Variants in ZNF346 observed in about 807,000 individuals in gnomAD.
The protein encoded by ZNF346 is zinc finger protein 346, also known as double-stranded RNA-binding zinc finger protein JAZ.
ZNF346 carries 23 observed loss-of-function variants against 33.7 expected under a neutral mutation model. The observed-to-expected ratio is 0.68, with a 90% confidence interval of 0.49 to 0.97. The LOEUF (loss-of-function observed/expected upper bound fraction) is 0.97, where lower values mean the gene tolerates loss of function less well. Ranked by LOEUF, ZNF346 falls within the 50% of genes least tolerant of loss-of-function variation. ZNF346 has a pLI of 0.00. For synonymous variants in ZNF346, 134 were observed against 142.4 expected (o/e 0.94, Z 0.42); for missense variants, 340 against 371.1 (o/e 0.92, Z 0.69).
At chr5:177,023,999 A>G (rs577747078) in intron 1 of ZNF346, among the ~76,000 whole-genome samples, 2 of 148,960 alleles carry the variant, frequency 1.3e-5, no homozygotes, top group Non-Finnish European at 3.0e-5. Context: ...ATATATATAT[A>G]ATGTATATTA....
chr5:177,048,626 A>G (rs973658558), intron 4 of ZNF346, among the ~76,000 whole-genome samples: 7 of 152,170 alleles, frequency 4.6e-5, no homozygotes, highest in Non-Finnish European at 1.0e-4. Flanking sequence ...CATCTCAAAA[A>G]GAAAAAAAAG....
exon 9 of ZNF346, chr5:177,080,564 C>T (rs244714): frequency 0.088 from 13,469 of 152,272 alleles, 673 homozygotes; most frequent in Non-Finnish European, 0.12. Context: ...ATAATCCCAG[C>T]CCTTTGGGAG....
At chr5:177,035,041 G>T (rs1333090437) in intron 1 of ZNF346, among the ~76,000 whole-genome samples, 4 of 150,678 alleles carry the variant, frequency 2.7e-5, no homozygotes, top group Non-Finnish European at 5.9e-5. Context: ...TTTTGAGATG[G>T]AGTCTTACTC....
At chr5:177,079,204 G>A (rs1783887407) in intron 8 of ZNF346, among the ~76,000 whole-genome samples, 2 of 150,698 alleles carry the variant, frequency 1.3e-5, no homozygotes, top group Non-Finnish European at 3.0e-5. Context: ...CCTGGGAGGT[G>A]GAGGTTGCAG....
At chr5:177,022,949 C>T (rs978369277) in intron 1 of ZNF346, 36 bp downstream of exon 1, 2 of 1,447,320 alleles carry the variant, frequency 1.4e-6, no homozygotes, top group Non-Finnish European at 1.8e-6. Flanking sequence ...AAGCCCCTCG[C>T]CCGCTGCGCG....
intron 4 of ZNF346, among the ~76,000 whole-genome samples, chr5:177,044,790 C>T (rs1779814652): frequency 6.6e-6 from 1 of 152,200 alleles, no homozygotes; most frequent in South Asian, 2.1e-4. Context: ...AATTATAACT[C>T]AGGAGTGCCA....
intron 1 of ZNF346, among the ~76,000 whole-genome samples, chr5:177,031,279 C>T (rs1443930172): frequency 2.0e-5 from 3 of 152,250 alleles, no homozygotes; most frequent in South Asian, 2.1e-4. Flanking sequence ...GGTGATCTGC[C>T]GCCTTGGCCT....
chr5:177,079,078 C>G (rs1238987158), intron 8 of ZNF346, among the ~76,000 whole-genome samples: 1 of 152,024 alleles, frequency 6.6e-6, no homozygotes, highest in African/African-American at 2.4e-5. Flanking sequence ...TGAGACCAGC[C>G]TGGCCAACAT....
intron 8 of ZNF346, among the ~76,000 whole-genome samples, chr5:177,076,561 C>T (rs575742671): frequency 5.3e-5 from 8 of 152,266 alleles, no homozygotes; most frequent in Admixed American, 3.9e-4. Flanking sequence ...CCCTTTACCC[C>T]AACGTTTCCT....
At chr5:177,061,073 C>T (rs930711665) in intron 5 of ZNF346, among the ~76,000 whole-genome samples, 25 of 150,548 alleles carry the variant, frequency 1.7e-4, no homozygotes, top group African/African-American at 5.7e-4. Context: ...GATCGCACCA[C>T]TGCACTCCAG....
At position 177,077,339 on chromosome 5, in the gene ZNF346, C is replaced by T. The variant is rs1306079890; in HGVS notation, c.*3-2043C>T. Among the ~76,000 whole-genome samples, 1 of 152,102 alleles carries T rather than the reference C, an allele frequency of 6.6e-6. No individual in the cohort carries two copies. Among genetic ancestry groups the T allele is most frequent in the African/African-American group, 2.4e-5 (1 of 41,420 alleles). ...GAAGGGTGTTCTACTGAGAAGGAGCCTTTTATTTATAAAGGGTTTAAGAAA... is the reference window on the plus strand; with the variant it reads ...GAAGGGTGTTCTACTGAGAAGGAGCTTTTTATTTATAAAGGGTTTAAGAAA... On this transcript the variant is annotated intron_variant, in intron 8 of 8. Transcript: ENST00000503039. The surrounding 1 kb of genome is among the most constrained non-coding windows in gnomAD (Gnocchi z 5.0).
chr5:177,070,645 A>G (rs1783457405), downstream of ZNF346, among the ~76,000 whole-genome samples: 1 of 152,208 alleles, frequency 6.6e-6, no homozygotes, highest in South Asian at 2.1e-4. Flanking sequence ...GATAAATGCT[A>G]TATAAATGAT....
downstream of ZNF346, among the ~76,000 whole-genome samples, chr5:177,071,089 G>A (rs12153498): frequency 0.31 from 47,621 of 152,034 alleles, 8,766 homozygotes; most frequent in East Asian, 0.5. Flanking sequence ...GTGGCATGAG[G>A]GACAAGGGCC....
chr5:177,023,351 G>A (rs991265842), intron 1 of ZNF346: 6 of 784,490 alleles, frequency 7.6e-6, no homozygotes, highest in African/African-American at 6.8e-5. Context: ...CGAGGGCTCT[G>A]GAAGGCCTTC....
intron 5 of ZNF346, among the ~76,000 whole-genome samples, chr5:177,059,012 G>C (rs914097192): frequency 6.6e-6 from 1 of 152,236 alleles, no homozygotes; most frequent in Non-Finnish European, 1.5e-5. Flanking sequence ...TGGGATTACA[G>C]GCATGAGCCA....
chr5:177,053,224 G>A (rs938213471), intron 5 of ZNF346, among the ~76,000 whole-genome samples: 2 of 148,748 alleles, frequency 1.3e-5, no homozygotes, highest in African/African-American at 5.0e-5. Flanking sequence ...GCTGAGGCAG[G>A]AGAATTGCTT....
chr5:177,061,161 A>G (rs1377605029), intron 5 of ZNF346, among the ~76,000 whole-genome samples: 1 of 147,412 alleles, frequency 6.8e-6, no homozygotes, highest in Non-Finnish European at 1.5e-5. Context: ...AAAGCTAAGG[A>G]TCAGGCCGGG....
intron 5 of ZNF346, chr5:177,053,051 C>T (rs564198477): frequency 6.6e-6 from 1 of 151,576 alleles, no homozygotes; most frequent in East Asian, 1.9e-4. Context: ...GATGCAGTGG[C>T]TCACGCCTAT....
rs201306098 is a variant in ZNF346, at chr5:177,062,011, G to A, written c.704-47G>A. The A allele has an allele frequency of 8.4e-5, 129 of 1,538,628 alleles. 1 individual carries two copies. The African/African-American group carries it at 1.2e-3, about 14-fold the overall frequency. Reference sequence around the variant, plus strand: ...CACTCTGAAAAGCAACGGTCTTCAGGTTCCTTCTTTCTGGATTACTAAGAT... The same window carrying A: ...CACTCTGAAAAGCAACGGTCTTCAGATTCCTTCTTTCTGGATTACTAAGAT... On this transcript the variant is annotated intron_variant, in intron 5 of 6. Coordinates refer to ENST00000358149, the MANE Select transcript of ZNF346 (RefSeq NM_012279.4).
Sources: gnomAD v4.1 joint callset for allele counts (sites outside exome capture counted in the v4.1 genomes callset) on GRCh38, gnomAD v4.1.1 for gene constraint, Gnocchi (gnomAD v3.1) non-coding constraint, MANE v1.5 for transcripts, NCBI Gene and HGNC (gene_info 2026-07-23, HGNC 2026-07-21) for gene names.